The following BORCS5 variants were observed in gnomAD, a reference collection of about 807,000 sequenced individuals.
BORCS5 encodes BLOC-1-related complex subunit 5.
A neutral mutation model predicts 22.1 loss-of-function variants in BORCS5; 17 were observed. That is an observed-to-expected ratio of 0.77 (90% CI 0.53 to 1.15). BORCS5 has a LOEUF of 1.15. Ranked by LOEUF, BORCS5 falls within the 50% of genes most tolerant of loss-of-function variation. The pLI, the probability that BORCS5 is intolerant of heterozygous loss-of-function variation, is 0.00. For missense variants in BORCS5, 247 were observed against 253.2 expected, an observed-to-expected ratio of 0.98 and a Z score of 0.17; for synonymous variants, 117 against 99.8, an observed-to-expected ratio of 1.17 and a Z score of -1.03.
At chr12:12,373,997 T>C (rs1197693360) in intron 2 of BORCS5, among the ~76,000 whole-genome samples, 1 of 144,432 alleles carries the variant, frequency 6.9e-6, no homozygotes, top group Admixed American at 6.8e-5. Flanking sequence ...TTTTTTTTTT[T>C]TTTTTTTTGA....
At chr12:12,376,527 C>G (rs996103750) in intron 2 of BORCS5, among the ~76,000 whole-genome samples, 9 of 152,324 alleles carry the variant, frequency 5.9e-5, no homozygotes, top group African/African-American at 2.2e-4. Flanking sequence ...GCCACTGCAC[C>G]TGGCCTGCTC....
At chr12:12,453,851 T>A (rs1942955712) in intron 3 of BORCS5, among the ~76,000 whole-genome samples, 1 of 152,182 alleles carries the variant, frequency 6.6e-6, no homozygotes, top group African/African-American at 2.4e-5. Context: ...TCTATTCCCC[T>A]ATCCCCTGGC....
intron 2 of BORCS5, among the ~76,000 whole-genome samples, chr12:12,411,054 T>C (rs1375375811): frequency 6.6e-6 from 1 of 152,232 alleles, no homozygotes; most frequent in Non-Finnish European, 1.5e-5. Flanking sequence ...GGAATGCTTA[T>C]GATTTTTGCA....
intron 3 of BORCS5, among the ~76,000 whole-genome samples, chr12:12,443,369 A>G (rs1942721795): frequency 6.6e-6 from 1 of 152,248 alleles, no homozygotes. Context: ...TTACTCTGGC[A>G]TCAATTCCAG....
At chr12:12,426,871 C>T (rs1246247921) in intron 2 of BORCS5, among the ~76,000 whole-genome samples, 3 of 152,146 alleles carry the variant, frequency 2.0e-5, no homozygotes, top group Admixed American at 6.6e-5. Flanking sequence ...TGGTGGGTTT[C>T]GGAGGTCCTG....
Position 12,462,416 on chromosome 12 carries a change from A to G in BORCS5, c.361-3130A>G, listed in dbSNP as rs550160952. Among the ~76,000 whole-genome samples, 7 of 152,350 alleles carry G rather than the reference A, an allele frequency of 4.6e-5. No homozygotes were observed. The South Asian group carries it at 1.0e-3, about 23-fold the overall frequency. On this transcript the variant is annotated intron_variant, in intron 3 of 3. Transcript: ENST00000314565. The stretch of plus-strand genomic sequence containing the variant: ...TAAAGCACACCAAATCCTTGCTCTC[A>G]TGGAATCAGCCTTCTGGGTAATTTT...
At chr12:12,377,057 C>T (rs770944586) in intron 2 of BORCS5, among the ~76,000 whole-genome samples, 10 of 152,068 alleles carry the variant, frequency 6.6e-5, no homozygotes, top group Admixed American at 3.9e-4. Flanking sequence ...ATCTTACTAC[C>T]GGAGGAAACT....
intron 2 of BORCS5, among the ~76,000 whole-genome samples, chr12:12,416,675 C>T (rs1941965848): frequency 6.6e-6 from 1 of 151,710 alleles, no homozygotes; most frequent in African/African-American, 2.4e-5. Flanking sequence ...TGCCCAAGCT[C>T]TTCTCGAACT....
intron 2 of BORCS5, among the ~76,000 whole-genome samples, chr12:12,400,065 G>C (rs374092643): frequency 2.0e-5 from 3 of 152,218 alleles, no homozygotes; most frequent in Non-Finnish European, 4.4e-5. Context: ...TTTGTTGTCA[G>C]TCACTACTTA....
At chr12:12,424,434 G>A (rs1007795434) in intron 2 of BORCS5, among the ~76,000 whole-genome samples, 5 of 151,954 alleles carry the variant, frequency 3.3e-5, no homozygotes, top group African/African-American at 1.2e-4. Flanking sequence ...TTTATACATT[G>A]TTTTCTTGGC....
chr12:12,435,732 T>A lies in BORCS5; in HGVS notation c.307T>A (p.Cys103Ser), dbSNP rs752080645. Reference protein sequence around the residue: ...CLRYQDHLHQCAEAVAFDQNA... With the variant: ...CLRYQDHLHQSAEAVAFDQNA... Reference sequence around the variant, plus strand: ...CCGATATCAAGATCACCTGCATCAGTGTGCAGAGGCCGTTGCTTTTGACCA... The same window carrying A: ...CCGATATCAAGATCACCTGCATCAGAGTGCAGAGGCCGTTGCTTTTGACCA... Residue 103 changes from cysteine (C) to serine (S), a missense_variant, in exon 3 of 4, where the codon TGT becomes AGT. Transcript: ENST00000314565. 1.2e-6 allele frequency: 2 copies of A among 1,614,032 alleles called. No homozygotes were observed. Among genetic ancestry groups the A allele is most frequent in the Admixed American group, 3.3e-5 (2 of 60,010 alleles).
In BORCS5 at chr12:12,423,009, T is replaced by A. The variant is rs567552024; in HGVS notation, c.203-12619T>A. Among the ~76,000 whole-genome samples the A allele has an allele frequency of 4.5e-4, 68 of 151,832 alleles. 1 individual carries two copies. Among genetic ancestry groups the A allele is most frequent in the African/African-American group, 1.4e-3 (57 of 41,518 alleles). Reference sequence around the variant, plus strand: ...TTTTTTTTTTATTTTTTATTTATTTTTTTATTTTTTGAGATGGAGTCTCAC... The same window carrying A: ...TTTTTTTTTTATTTTTTATTTATTTATTTATTTTTTGAGATGGAGTCTCAC... On this transcript the variant is annotated intron_variant, in intron 2 of 3. Coordinates refer to ENST00000314565, the MANE Select transcript of BORCS5 (RefSeq NM_058169.6).
intron 2 of BORCS5, among the ~76,000 whole-genome samples, chr12:12,389,732 C>A (rs1295538872): frequency 6.6e-6 from 1 of 152,170 alleles, no homozygotes; most frequent in Non-Finnish European, 1.5e-5. Flanking sequence ...CAAGCTCTGC[C>A]TTTCGGGTTC....
chr12:12,383,235 C>T (rs1195708351), intron 2 of BORCS5, among the ~76,000 whole-genome samples: 1 of 151,214 alleles, frequency 6.6e-6, no homozygotes, highest in Non-Finnish European at 1.5e-5. Flanking sequence ...TTAATACTAA[C>T]TTAATTCTGG....
chr12:12,426,722 A>G (rs1446464050), intron 2 of BORCS5, among the ~76,000 whole-genome samples: 1 of 152,234 alleles, frequency 6.6e-6, no homozygotes, highest in Non-Finnish European at 1.5e-5. Context: ...CATGATTATT[A>G]TCTTGCTTTT....
intron 2 of BORCS5, among the ~76,000 whole-genome samples, chr12:12,407,374 G>A (rs1445801903): frequency 6.9e-6 from 1 of 144,944 alleles, no homozygotes; most frequent in African/African-American, 2.5e-5. Flanking sequence ...TTTTCATTTT[G>A]TTCCCTGTTG....
chr12:12,465,408 T>C lies in BORCS5; in HGVS notation c.361-138T>C, dbSNP rs181120138. 2.0e-4 allele frequency: 141 copies of C among 706,088 alleles called. No individual in the cohort carries two copies. In the African/African-American group the frequency reaches 2.4e-3, roughly 12 times the overall value. 43.7% of individuals were successfully genotyped at this position (706,088 alleles called of 1,614,324 possible). Reference sequence around the variant, plus strand: ...AAAGCTGTGTCCCTGAAGGGCTTTTTAGCCCTGGGTGCTTCCTGTAAAACT... The same window carrying C: ...AAAGCTGTGTCCCTGAAGGGCTTTTCAGCCCTGGGTGCTTCCTGTAAAACT... On this transcript the variant is annotated intron_variant, in intron 3 of 3. Coordinates refer to ENST00000314565, the MANE Select transcript of BORCS5 (RefSeq NM_058169.6).
chr12:12,438,385 A>AAAAAAAAAAAAC (rs1555156048), intron 3 of BORCS5, among the ~76,000 whole-genome samples: 1 of 126,146 alleles, frequency 7.9e-6, no homozygotes, highest in Admixed American at 8.0e-5. Flanking sequence ...AAAAAACGAA[A>AAAAAAAAAAAAC]AACAACAACA....
At chr12:12,409,800 G>A (rs888532335) in intron 2 of BORCS5, among the ~76,000 whole-genome samples, 2 of 151,074 alleles carry the variant, frequency 1.3e-5, no homozygotes, top group Non-Finnish European at 3.0e-5. Context: ...CTGAGGAATC[G>A]CCACACTGAC....
Sources: gnomAD v4.1 joint callset for allele counts (sites outside exome capture counted in the v4.1 genomes callset) on GRCh38, gnomAD v4.1.1 for gene constraint, MANE v1.5 for transcripts, NCBI Gene and HGNC (gene_info 2026-07-23, HGNC 2026-07-21) for gene names.